The following SLC25A44 variants were observed in gnomAD, a reference collection of about 807,000 sequenced individuals.
The protein encoded by SLC25A44 is solute carrier family 25, member 44.
SLC25A44 carries 17 observed loss-of-function variants against 29.9 expected under a neutral mutation model. The ratio of observed to expected loss-of-function variants is 0.57; its 90% CI spans 0.39 to 0.85. SLC25A44 has a LOEUF of 0.85. Ranked by LOEUF, SLC25A44 falls within the 40% of genes least tolerant of loss-of-function variation. The pLI is 0.00. For synonymous variants in SLC25A44, 140 were observed against 151.8 expected, an observed-to-expected ratio of 0.92 and a Z score of 0.57; for missense variants, 302 against 398.4, an observed-to-expected ratio of 0.76 and a Z score of 2.06.
At position 156,210,488 on chromosome 1, in the gene SLC25A44, G is replaced by T. The variant is rs948607927; in HGVS notation, c.*57G>T. On this transcript the variant is annotated 3_prime_UTR_variant, in exon 4 of 4. Transcript: ENST00000359511. ...CACACTACCGTGGGTCAGGGGCAGA[G>T]TGGAGAGGACAGCACCCTCTCCAGG... The T allele has an allele frequency of 2.5e-5, 34 of 1,371,854 alleles. No individual in the cohort carries two copies. Among genetic ancestry groups the T allele is most frequent in the Non-Finnish European group, 3.1e-5 (31 of 1,011,778 alleles). The allele number at this position is 1,371,854 out of a possible 1,614,324, so 85.0% of individuals were successfully genotyped here.
chr1:156,210,301 G>A lies in SLC25A44; in HGVS notation c.815G>A (p.Trp272Ter). Reference protein sequence around the residue: ...FRQLMAEEGPWGLMKGLSARI... With the variant: ...FRQLMAEEGP ...CAGCTGATGGCAGAAGAAGGGCCTT[G>A]GGGCCTCATGAAGGGCCTCTCGGCC... The change falls in exon 4 of 4, where the codon TGG (tryptophan) becomes TAG (stop). Residue 272 changes from tryptophan (W) to a stop codon, truncating the protein, a stop_gained. Coordinates refer to ENST00000359511, the MANE Select transcript of SLC25A44 (RefSeq NM_014655.4). LOFTEE classifies it high-confidence loss of function. 8 of 1,605,976 alleles carry A rather than the reference G, an allele frequency of 5.0e-6. No homozygotes were observed. The highest frequency in any genetic ancestry group is 6.8e-6 in the Non-Finnish European group (8 of 1,176,438).
intron 1 of SLC25A44, among the ~76,000 whole-genome samples, chr1:156,194,530 G>A (rs1656089052): frequency 6.6e-6 from 1 of 152,168 alleles, no homozygotes; most frequent in Non-Finnish European, 1.5e-5. Context: ...TGAGAGGATT[G>A]TCATGTGGTG....
chr1:156,208,800 T>G (rs1657116215), intron 3 of SLC25A44, among the ~76,000 whole-genome samples: 1 of 152,214 alleles, frequency 6.6e-6, no homozygotes, highest in South Asian at 2.1e-4. Context: ...ATGGTGTGGA[T>G]GCAGCAAAAC....
intron 1 of SLC25A44, among the ~76,000 whole-genome samples, chr1:156,195,071 A>T (rs1460061659): frequency 6.6e-6 from 1 of 150,746 alleles, no homozygotes; most frequent in Non-Finnish European, 1.5e-5. Flanking sequence ...TGCCTTCACA[A>T]TTCTTAACTC....
At chr1:156,196,398 A>C (rs1448814807) in intron 1 of SLC25A44, 1 of 152,182 alleles carries the variant, frequency 6.6e-6, no homozygotes, top group African/African-American at 2.4e-5. Context: ...CCTGCCTCGG[A>C]AAGTCCCCAC....
intron 2 of SLC25A44, among the ~76,000 whole-genome samples, chr1:156,206,915 A>G (rs1299333830): frequency 2.0e-5 from 3 of 152,202 alleles, no homozygotes; most frequent in Non-Finnish European, 1.5e-5. Flanking sequence ...TTTCTAGCCT[A>G]TGAGTTGGGA....
chr1:156,209,239 C>A (rs985905421), intron 3 of SLC25A44, among the ~76,000 whole-genome samples: 1 of 152,100 alleles, frequency 6.6e-6, no homozygotes, highest in Non-Finnish European at 1.5e-5. Flanking sequence ...AGGAGGAGAT[C>A]CAAGGGAAAG....
At chr1:156,199,516 T>C in intron 1 of SLC25A44, 3 of 341,468 alleles carry the variant, frequency 8.8e-6, no homozygotes, top group Non-Finnish European at 5.4e-6. Flanking sequence ...AGAGTCCGGA[T>C]AGAAGATCCT....
chr1:156,199,937 G>A lies in SLC25A44; in HGVS notation c.90G>A (p.Met30Ile). 6.2e-7 allele frequency: 1 copy of A among 1,614,190 alleles called. No homozygotes were observed. The highest frequency in any genetic ancestry group is 8.5e-7 in the Non-Finnish European group (1 of 1,180,004). ...TGTTTGGTGTGGCAATGACAATGAT[G>A]ATCCGTGTCAGTGTCTACCCATTCA... ...FYVFGVAMTM[M>I]IRVSVYPFTL... Residue 30 changes from methionine to isoleucine, a missense_variant, in exon 2 of 4, where the codon ATG (methionine) becomes ATA (isoleucine). By Grantham distance (10) the Met-to-Ile change is conservative (BLOSUM62 1). Coordinates refer to ENST00000359511, the MANE Select transcript of SLC25A44 (RefSeq NM_014655.4).
chr1:156,210,093 C>T (rs1390433750), intron 3 of SLC25A44, 147 bp from the exon 4 acceptor site: 1 of 474,788 alleles, frequency 2.1e-6, no homozygotes, highest in East Asian at 3.3e-5. Context: ...CATACTAAAT[C>T]ACTGTGCTGT....
At chr1:156,201,085 C>G (rs1041576751) in intron 2 of SLC25A44, among the ~76,000 whole-genome samples, 1 of 151,972 alleles carries the variant, frequency 6.6e-6, no homozygotes, top group Admixed American at 6.6e-5. Context: ...CTGCCCGCCT[C>G]GGCCTCCCAA....
chr1:156,195,185 G>C (rs901730135), intron 1 of SLC25A44, among the ~76,000 whole-genome samples: 1 of 151,028 alleles, frequency 6.6e-6, no homozygotes, highest in African/African-American at 2.4e-5. Context: ...CTCACTGCAA[G>C]CTCCGCCTTC....
intron 2 of SLC25A44, among the ~76,000 whole-genome samples, chr1:156,207,466 G>A (rs190773544): frequency 5.7e-4 from 87 of 152,100 alleles, no homozygotes; most frequent in Admixed American, 1.8e-3. Context: ...GGCGTGAGCC[G>A]CCGCGCCCGG....
rs1377307711 is a variant in SLC25A44 at position 156,198,175 on chromosome 1, T to A, written c.-13-1660T>A. 6.6e-6 allele frequency: 1 copy of A among 152,186 alleles called. No homozygotes were observed. Among genetic ancestry groups the A allele is most frequent in the Non-Finnish European group, 1.5e-5 (1 of 68,046 alleles). 9.4% of individuals were successfully genotyped at this position (152,186 alleles called of 1,614,324 possible). On this transcript the variant is annotated intron_variant, in intron 1 of 3. Coordinates refer to ENST00000359511, the MANE Select transcript of SLC25A44 (RefSeq NM_014655.4). The surrounding 1 kb of genome is among the most constrained non-coding windows in gnomAD (Gnocchi z 4.1). ...TTAAAGTCTGGGGAGCCCCTGCTTC[T>A]CATTTCCTGGAATTTATCTTCCCAG...
intron 3 of SLC25A44, 63 bp downstream of exon 3, chr1:156,208,076 C>T (rs1657071972): frequency 1.3e-6 from 2 of 1,488,656 alleles, no homozygotes; most frequent in Admixed American, 1.7e-5. Context: ...GACCTTCAAG[C>T]CCTCCAGTGT....
Position 156,197,099 on chromosome 1 carries a change from A to G in SLC25A44, c.-13-2736A>G, listed in dbSNP as rs969277275. The G allele has an allele frequency of 2.5e-4, 38 of 152,332 alleles. 1 individual carries two copies. The East Asian group carries it at 6.8e-3, about 27-fold the overall frequency. The allele number at this position is 152,332 out of a possible 1,614,324, so 9.4% of individuals were successfully genotyped here. A position where few individuals can be genotyped will look rare whatever the true frequency, so the allele number is the denominator to read the frequency against. ...TAAGGATTACATGAGGTAGTAGTCA[A>G]TCCTGGTGTTTCTCTGTATCTTCTC... On this transcript the variant is annotated intron_variant, in intron 1 of 3. Coordinates refer to ENST00000359511, the MANE Select transcript of SLC25A44 (RefSeq NM_014655.4).
chr1:156,206,977 AT>A lies in SLC25A44; in HGVS notation c.626-908del, dbSNP rs890741799. Among the ~76,000 whole-genome samples, 149 of 152,324 alleles carry A rather than the reference AT, an allele frequency of 9.8e-4. 1 individual carries two copies. Among genetic ancestry groups the A allele is most frequent in the African/African-American group, 3.5e-3 (144 of 41,578 alleles). ...TTACATCAGGAAGGATTTTCTGCCC[AT>A]CAGATGAAAGGAGTCAGCAAGCAAA... is the stretch of plus-strand genomic sequence containing the variant. On this transcript the variant is annotated intron_variant, in intron 2 of 3. Transcript: ENST00000359511.
intron 2 of SLC25A44, among the ~76,000 whole-genome samples, chr1:156,202,073 G>C (rs1271371613): frequency 6.6e-6 from 1 of 152,194 alleles, no homozygotes; most frequent in Non-Finnish European, 1.5e-5. Context: ...ATTGGTCAGT[G>C]GCCTTGTTAT....
rs1437036349 is a variant in SLC25A44, at chr1:156,200,042, GC to G, written c.196del (p.Arg66GlufsTer36). 6.2e-7 allele frequency: 1 copy of G among 1,614,172 alleles called. No homozygotes were observed. Among genetic ancestry groups the G allele is most frequent in the East Asian group, 2.2e-5 (1 of 44,888 alleles). On this transcript the variant is annotated frameshift_variant, in exon 2 of 4. Transcript: ENST00000359511. LOFTEE classifies it high-confidence loss of function. ...GTFDAFIKIL[R>X]ADGITGLYRG... Reference sequence around the variant, plus strand: ...CCTTCGATGCCTTCATCAAGATCCTGCGAGCAGATGGTATCACTGGCCTCTA... The same window carrying G: ...CCTTCGATGCCTTCATCAAGATCCTGGAGCAGATGGTATCACTGGCCTCTA...
Sources: gnomAD v4.1 joint callset for allele counts (sites outside exome capture counted in the v4.1 genomes callset) on GRCh38, gnomAD v4.1.1 for gene constraint, Gnocchi (gnomAD v3.1) non-coding constraint, MANE v1.5 for transcripts, NCBI Gene and HGNC (gene_info 2026-07-23, HGNC 2026-07-21) for gene names.